Variants in CFAP70 observed in about 807,000 individuals in gnomAD.
CFAP70 encodes the protein cilia- and flagella-associated protein 70.
A neutral mutation model predicts 137.6 loss-of-function variants in CFAP70; 81 were observed. That is an observed-to-expected ratio of 0.59 (90% confidence interval 0.49 to 0.71). The LOEUF (loss-of-function observed/expected upper bound fraction) is 0.71, where lower values mean the gene tolerates loss of function less well. Among genes scored for constraint, CFAP70 ranks in the 30% least tolerant of loss-of-function variants. The probability of loss-of-function intolerance (pLI) is 0.00; values close to 1 mark genes in which losing one functional copy is unlikely to be tolerated. For synonymous variants in CFAP70, 382 were observed against 423.6 expected (o/e 0.90, Z 1.20); for missense variants, 976 against 1,226.7 (o/e 0.80, Z 3.05).
chr10:73,278,487 T>C (rs2046967234), intron 19 of CFAP70, 150 bp from the exon 21 acceptor site: 2 of 655,516 alleles, frequency 3.1e-6, no homozygotes, highest in Admixed American at 3.2e-5. Context: ...GTTTATATTT[T>C]TTAATAATTT....
chr10:73,255,544 ACT>A (rs1428974531), intron 26 of CFAP70, among the ~76,000 whole-genome samples: 2 of 152,114 alleles, frequency 1.3e-5, no homozygotes, highest in African/African-American at 4.8e-5. Context: ...ACAGTGCAAG[ACT>A]CTGTCTCAAA....
At chr10:73,285,690 A>C (rs1589353330) in intron 19 of CFAP70, among the ~76,000 whole-genome samples, 1 of 145,576 alleles carries the variant, frequency 6.9e-6, no homozygotes. Context: ...GCTGGAGTGC[A>C]GTGGCACCGT....
chr10:73,259,803 GA>G (rs2044959561), intron 25 of CFAP70, among the ~76,000 whole-genome samples: 1 of 152,108 alleles, frequency 6.6e-6, no homozygotes, highest in Admixed American at 6.5e-5. Flanking sequence ...GGCTGAGGGG[GA>G]AAGATCGCTC....
At chr10:73,253,963 G>T in exon 27 of CFAP70, 2 of 1,599,578 alleles carry the variant, frequency 1.3e-6, no homozygotes, top group South Asian at 2.2e-5. Context: ...AAATTGTTCA[G>T]CTGGAGGGGT....
rs530162126 is a variant in CFAP70, at chr10:73,267,925, A to G, written c.3027+1689T>C. On this transcript the variant is annotated intron_variant, in intron 25 of 26. Coordinates refer to ENST00000310715, the Ensembl canonical transcript of CFAP70. The stretch of plus-strand genomic sequence containing the variant: ...CTAGATGCCACCCACATTCCTTGAC[A>G]TGTGGTCCTTCTCCATATTCAAGCC... 1.9e-3 allele frequency among the ~76,000 whole-genome samples: 294 copies of G among 152,288 alleles called. 2 individuals carry two copies. Among genetic ancestry groups the G allele is most frequent in the African/African-American group, 6.7e-3 (277 of 41,550 alleles).
In CFAP70 at chr10:73,270,945, A is replaced by G. The variant is rs146446760; in HGVS notation, c.2926-1230T>C. On this transcript the variant is annotated intron_variant, in intron 24 of 26. Coordinates refer to ENST00000310715, the Ensembl canonical transcript of CFAP70. ...GCCCACACTTTGAAGTCTCTGAGAC[A>G]TTGATTCATTATTTAATCAACCTAC... Among the ~76,000 whole-genome samples the G allele has an allele frequency of 1.9e-3, 289 of 152,312 alleles. 1 individual carries two copies. The highest frequency in any genetic ancestry group is 6.5e-3 in the African/African-American group (271 of 41,580).
intron 8 of CFAP70, among the ~76,000 whole-genome samples, chr10:73,327,728 C>A (rs1278904105): frequency 6.6e-6 from 1 of 152,014 alleles, no homozygotes; most frequent in East Asian, 1.9e-4. Flanking sequence ...TGAGTGAATT[C>A]CCATTCACAA....
At chr10:73,301,572 C>T (rs142630099) in intron 12 of CFAP70, among the ~76,000 whole-genome samples, 27 of 152,070 alleles carry the variant, frequency 1.8e-4, no homozygotes, top group East Asian at 1.3e-3. Flanking sequence ...AGTAGATAAA[C>T]GGCTGCTTAG....
At chr10:73,270,028 G>GT (rs2046118699) in intron 24 of CFAP70, among the ~76,000 whole-genome samples, 2 of 152,142 alleles carry the variant, frequency 1.3e-5, no homozygotes, top group South Asian at 4.1e-4. Context: ...CAGGTGCAAG[G>GT]TTGGAAATCC....
At chr10:73,269,299 G>T (rs1229477381) in intron 25 of CFAP70, among the ~76,000 whole-genome samples, 6 of 152,182 alleles carry the variant, frequency 3.9e-5, no homozygotes, top group African/African-American at 1.4e-4. Flanking sequence ...ATTTCAATGG[G>T]AAGAAATGAT....
chr10:73,291,292 A>C, exon 19 of CFAP70: 13 of 1,612,210 alleles, frequency 8.1e-6, no homozygotes, highest in Non-Finnish European at 1.0e-5. Flanking sequence ...CCTAAACTAG[A>C]TTCTCTCTTC....
exon 8 of CFAP70, chr10:73,331,234 C>T: frequency 6.2e-7 from 1 of 1,613,662 alleles, no homozygotes; most frequent in Non-Finnish European, 8.5e-7. Flanking sequence ...CTCTTGTGAT[C>T]TCTACAGGCC....
chr10:73,335,309 A>G, intron 7 of CFAP70, 121 bp downstream of exon 8: 1 of 608,070 alleles, frequency 1.6e-6, no homozygotes, highest in Admixed American at 2.9e-5. Context: ...GATGTGATAA[A>G]TGAGAAAGTC....
intron 26 of CFAP70, 107 bp downstream of exon 27, chr10:73,256,262 T>C (rs2044480893): frequency 6.9e-6 from 9 of 1,303,168 alleles, no homozygotes; most frequent in African/African-American, 5.9e-5. Context: ...GAAAAGCCTC[T>C]AGAAAAATAT....
At chr10:73,299,262 C>T (rs888754447) in intron 13 of CFAP70, among the ~76,000 whole-genome samples, 161 bp from the exon 15 acceptor site, 1 of 152,050 alleles carries the variant, frequency 6.6e-6, no homozygotes, top group African/African-American at 2.4e-5. Flanking sequence ...GGCTGGAGTA[C>T]AGTGGTATGA....
chr10:73,342,602 T>C (rs940767279), intron 5 of CFAP70, among the ~76,000 whole-genome samples: 5 of 151,832 alleles, frequency 3.3e-5, no homozygotes, highest in Admixed American at 6.6e-5. Flanking sequence ...GAACAAGAAG[T>C]TTACTGGAAA....
chr10:73,324,541 C>T (rs12257375), intron 8 of CFAP70, among the ~76,000 whole-genome samples: 16,081 of 152,174 alleles, frequency 0.11, 1,230 homozygotes, highest in East Asian at 0.3. Context: ...CTACTCCGAG[C>T]TACAGGAGGA....
intron 8 of CFAP70, among the ~76,000 whole-genome samples, chr10:73,323,818 G>A (rs1201502879): frequency 6.6e-6 from 1 of 152,226 alleles, no homozygotes; most frequent in Non-Finnish European, 1.5e-5. Context: ...AAACAAAGCA[G>A]CCAGGAAGCT....
intron 25 of CFAP70, among the ~76,000 whole-genome samples, chr10:73,266,909 T>G (rs537713690): frequency 6.6e-6 from 1 of 152,272 alleles, no homozygotes; most frequent in Non-Finnish European, 1.5e-5. Context: ...TTTTCTCAAT[T>G]ATCATTTCTT....
Sources: gnomAD v4.1 joint callset for allele counts (sites outside exome capture counted in the v4.1 genomes callset) on GRCh38, gnomAD v4.1.1 for gene constraint, MANE v1.5 for transcripts, NCBI Gene and HGNC (gene_info 2026-07-23, HGNC 2026-07-21) for gene names.